PDE10A: variants seen among roughly 807,000 people sequenced by gnomAD.
The protein encoded by PDE10A is phosphodiesterase 10A, also known as cAMP and cAMP-inhibited cGMP 3',5'-cyclic phosphodiesterase 10A.
Under a neutral mutation model 97.7 loss-of-function variants are expected in PDE10A, and 39 were observed. The ratio of observed to expected loss-of-function variants is 0.40; its 90% CI spans 0.31 to 0.52. The LOEUF is 0.52. Among genes scored for constraint, PDE10A ranks in the 20% least tolerant of loss-of-function variants. The pLI is 0.56. For missense variants in PDE10A, 731 were observed against 1,047.8 expected (o/e 0.70, Z 4.17); for synonymous variants, 371 against 376.8 (o/e 0.98, Z 0.18).
chr6:165,546,936 C>T (rs1164838853), intron 1 of PDE10A, among the ~76,000 whole-genome samples: 4 of 152,004 alleles, frequency 2.6e-5, no homozygotes, highest in Admixed American at 6.6e-5. Flanking sequence ...AACAATATCC[C>T]GGTATAATTG....
chr6:165,560,189 G>T (rs1189225393), intron 1 of PDE10A, among the ~76,000 whole-genome samples: 2 of 152,026 alleles, frequency 1.3e-5, no homozygotes, highest in Admixed American at 1.3e-4. Flanking sequence ...TTTTTTTTCT[G>T]TTGGTGGCAG....
intron 1 of PDE10A, among the ~76,000 whole-genome samples, chr6:165,757,735 T>A (rs1442245732): frequency 6.6e-6 from 1 of 152,188 alleles, no homozygotes; most frequent in Non-Finnish European, 1.5e-5. Flanking sequence ...TTACTGAGGT[T>A]TTACAAGATG....
chr6:165,556,569 C>T (rs1417296423), intron 1 of PDE10A, among the ~76,000 whole-genome samples: 1 of 152,188 alleles, frequency 6.6e-6, no homozygotes, highest in African/African-American at 2.4e-5. Flanking sequence ...AACCAAACCA[C>T]TAAGACCCAA....
chr6:165,455,459 G>A (rs1777898288), intron 3 of PDE10A, among the ~76,000 whole-genome samples: 1 of 152,190 alleles, frequency 6.6e-6, no homozygotes, highest in Non-Finnish European at 1.5e-5. Context: ...AAATCTGAGG[G>A]AAGAGCTTCC....
chr6:165,444,525 T>C (rs933051070), intron 5 of PDE10A, among the ~76,000 whole-genome samples: 2 of 152,300 alleles, frequency 1.3e-5, no homozygotes, highest in Non-Finnish European at 2.9e-5. Context: ...GAAACTTCAA[T>C]GTACCAGAAT....
chr6:165,567,634 G>A (rs917741688), intron 1 of PDE10A, among the ~76,000 whole-genome samples: 6 of 151,962 alleles, frequency 3.9e-5, no homozygotes, highest in African/African-American at 1.2e-4. Context: ...CAGTAACCAG[G>A]TATTTCGTCT....
intron 2 of PDE10A, among the ~76,000 whole-genome samples, chr6:165,517,992 A>C (rs1781914377): frequency 6.6e-6 from 1 of 152,208 alleles, no homozygotes; most frequent in Non-Finnish European, 1.5e-5. Flanking sequence ...AAGCAAACTC[A>C]AGGAAGTTAA....
At chr6:165,719,061 T>A (rs898481971) in intron 1 of PDE10A, among the ~76,000 whole-genome samples, 2 of 151,956 alleles carry the variant, frequency 1.3e-5, no homozygotes, top group Non-Finnish European at 2.9e-5. Flanking sequence ...TAAAAACCAA[T>A]AGTTGGAAGT....
chr6:165,551,045 G>T (rs1783989740), intron 1 of PDE10A, among the ~76,000 whole-genome samples: 1 of 152,098 alleles, frequency 6.6e-6, no homozygotes, highest in Non-Finnish European at 1.5e-5. Flanking sequence ...CAAGTTAAAA[G>T]AAAACGTATC....
chr6:165,553,115 T>C (rs911713235), intron 1 of PDE10A, among the ~76,000 whole-genome samples: 1 of 152,204 alleles, frequency 6.6e-6, no homozygotes, highest in African/African-American at 2.4e-5. Context: ...AGTTTAAATA[T>C]GTAATATGTC....
intron 1 of PDE10A, among the ~76,000 whole-genome samples, chr6:165,638,103 A>C (rs556145709): frequency 8.2e-4 from 125 of 152,138 alleles, no homozygotes; most frequent in Non-Finnish European, 1.6e-3. Flanking sequence ...AGGCCAACTC[A>C]ACATGGTATC....
At chr6:165,442,711 A>G (rs1790561651) in intron 5 of PDE10A, among the ~76,000 whole-genome samples, 1 of 152,110 alleles carries the variant, frequency 6.6e-6, no homozygotes, top group African/African-American at 2.4e-5. Context: ...GAGTCAAACC[A>G]TATCATTCTA....
At chr6:165,395,067 A>T (rs2128217633) in intron 15 of PDE10A, 114 bp downstream of exon 15, 1 of 620,226 alleles carries the variant, frequency 1.6e-6, no homozygotes, top group East Asian at 2.9e-5. Flanking sequence ...TAATTTATAC[A>T]TGCAGTATTT....
At chr6:165,621,963 A>G (rs188017434) in intron 1 of PDE10A, among the ~76,000 whole-genome samples, 157 of 152,300 alleles carry the variant, frequency 1.0e-3, no homozygotes, top group African/African-American at 3.7e-3. Flanking sequence ...AGGTATTTTT[A>G]AAATGTGATT....
chr6:165,814,485 G>C (rs1779358495), intron 1 of PDE10A, among the ~76,000 whole-genome samples: 1 of 151,748 alleles, frequency 6.6e-6, no homozygotes, highest in Non-Finnish European at 1.5e-5. Flanking sequence ...TCCACTCAGA[G>C]AAAGACAAGG....
At chr6:165,681,240 A>C (rs970967925) in intron 1 of PDE10A, among the ~76,000 whole-genome samples, 1 of 152,230 alleles carries the variant, frequency 6.6e-6, no homozygotes, top group Non-Finnish European at 1.5e-5. Context: ...CCAGATGGTC[A>C]ACAAATATAT....
chr6:165,649,105 T>G (rs1789551694), intron 1 of PDE10A, among the ~76,000 whole-genome samples: 1 of 152,166 alleles, frequency 6.6e-6, no homozygotes, highest in Non-Finnish European at 1.5e-5. Context: ...TTGGGTGTGC[T>G]CCACGGGTTA....
At chr6:165,657,306 G>A (rs911029) in intron 1 of PDE10A, among the ~76,000 whole-genome samples, 12,536 of 152,290 alleles carry the variant, frequency 0.082, 574 homozygotes, top group Non-Finnish European at 0.11. Context: ...CTGTCACTGT[G>A]GAGTTTTCCT....
chr6:165,463,803 G>A (rs533865187), intron 3 of PDE10A, among the ~76,000 whole-genome samples: 27 of 151,718 alleles, frequency 1.8e-4, no homozygotes, highest in Admixed American at 1.6e-3. Context: ...CCGGAATGAG[G>A]GCAAGGAATA....
Sources: gnomAD v4.1 joint callset for allele counts (sites outside exome capture counted in the v4.1 genomes callset) on GRCh38, gnomAD v4.1.1 for gene constraint, MANE v1.5 for transcripts, NCBI Gene and HGNC (gene_info 2026-07-23, HGNC 2026-07-21) for gene names.